The following HESX1 variants were observed in gnomAD, a reference collection of about 807,000 sequenced individuals.
The protein encoded by HESX1 is HESX homeobox 1, also known as homeobox expressed in ES cells 1.
A neutral mutation model predicts 22.5 loss-of-function variants in HESX1; 11 were observed. The ratio of observed to expected loss-of-function variants is 0.49; its 90% CI spans 0.31 to 0.81. The LOEUF is 0.81. Ranked by LOEUF, HESX1 falls within the 30% of genes least tolerant of loss-of-function variation. The pLI is 0.05. For synonymous variants in HESX1, 74 were observed against 76.5 expected, an observed-to-expected ratio of 0.97 and a Z score of 0.17; for missense variants, 201 against 212.6, an observed-to-expected ratio of 0.95 and a Z score of 0.34.
chr3:57,218,266 C>T (rs569351096), intron 1 of HESX1, among the ~76,000 whole-genome samples: 5 of 152,082 alleles, frequency 3.3e-5, no homozygotes, highest in East Asian at 1.9e-4. Flanking sequence ...CTTACCTCCA[C>T]CCTCAAGCAG....
upstream of HESX1, among the ~76,000 whole-genome samples, chr3:57,226,768 G>T (rs1459232951): frequency 1.3e-5 from 2 of 152,162 alleles, no homozygotes; most frequent in African/African-American, 4.8e-5. Flanking sequence ...GAATGGATTG[G>T]TGGAATTAAT....
At chr3:57,208,465 G>A (rs540548858) in intron 1 of HESX1, among the ~76,000 whole-genome samples, 2 of 151,962 alleles carry the variant, frequency 1.3e-5, no homozygotes, top group South Asian at 4.2e-4. Context: ...TCCTGCCTCA[G>A]CCTCCCTAGC....
intron 1 of HESX1, among the ~76,000 whole-genome samples, chr3:57,222,108 G>A (rs907351305): frequency 6.6e-6 from 1 of 152,094 alleles, no homozygotes; most frequent in South Asian, 2.1e-4. Flanking sequence ...TTGGAAGCAC[G>A]TGTGAATTAT....
rs1254963897 is a variant in HESX1 at position 57,198,945 on chromosome 3, AT to A, written c.164del (p.Asp55ValfsTer45). On this transcript the variant is annotated frameshift_variant, in exon 2 of 4. Coordinates refer to ENST00000295934, the MANE Select transcript of HESX1 (RefSeq NM_003865.3). LOFTEE classifies it high-confidence loss of function. ...TTGGGACATGTAGACATAAGTTACC[AT>A]CTTTCCCTAAAAACAAAAAAATAAG... ...WADTCSSSGK[D>X]GNLCLHVPNP... 3.1e-6 allele frequency: 5 copies of A among 1,613,950 alleles called. No individual in the cohort carries two copies. Among genetic ancestry groups the A allele is most frequent in the Non-Finnish European group, 3.4e-6 (4 of 1,179,950 alleles).
upstream of HESX1, chr3:57,200,060 G>A: frequency 1.4e-6 from 1 of 720,828 alleles, no homozygotes; most frequent in Non-Finnish European, 2.4e-6. Flanking sequence ...TTAAAATCCT[G>A]TCTTAGAAAG....
At chr3:57,203,290 A>G (rs1372586086), upstream of HESX1, among the ~76,000 whole-genome samples, 1 of 152,080 alleles carries the variant, frequency 6.6e-6, no homozygotes, top group Non-Finnish European at 1.5e-5. Context: ...AACAAAGACA[A>G]TTGTTTAGCG....
At chr3:57,221,814 C>G (rs1258443671) in intron 1 of HESX1, among the ~76,000 whole-genome samples, 1 of 151,876 alleles carries the variant, frequency 6.6e-6, no homozygotes, top group Non-Finnish European at 1.5e-5. Context: ...GCCATATTGT[C>G]AAGGCTGGTC....
upstream of HESX1, among the ~76,000 whole-genome samples, chr3:57,204,725 G>A (rs1199870482): frequency 5.3e-5 from 8 of 151,596 alleles, no homozygotes; most frequent in Non-Finnish European, 1.0e-4. Context: ...CTTGAGCCCA[G>A]GAGGTAGAGG....
chr3:57,211,739 A>G (rs534401891), intron 1 of HESX1, among the ~76,000 whole-genome samples: 1 of 151,966 alleles, frequency 6.6e-6, no homozygotes, highest in South Asian at 2.1e-4. Context: ...AGGATGAGGT[A>G]GGAGAACTGC....
upstream of HESX1, among the ~76,000 whole-genome samples, chr3:57,202,026 C>T (rs2060492630): frequency 6.6e-6 from 1 of 151,820 alleles, no homozygotes; most frequent in Non-Finnish European, 1.5e-5. Flanking sequence ...TCACGCCATT[C>T]TCCTGCCTCA....
rs765875766 is a variant in HESX1, at chr3:57,199,922, C to T, written c.-4G>A. The T allele has an allele frequency of 1.7e-5, 27 of 1,613,706 alleles. No homozygotes were observed. The South Asian group carries it at 3.0e-4, about 18-fold the overall frequency. ...CTTCCTGAAGGCTGGGAGACATCCT[C>T]TCGTGGTCTGCACAGAGCAACAGCT... On this transcript the variant is annotated 5_prime_UTR_variant, in exon 1 of 4. Transcript: ENST00000295934.
intron 1 of HESX1, among the ~76,000 whole-genome samples, chr3:57,219,938 G>A (rs1191761196): frequency 6.6e-6 from 1 of 152,150 alleles, no homozygotes; most frequent in African/African-American, 2.4e-5. Context: ...CAACGGTATT[G>A]CCTAGGTTTT....
chr3:57,207,616 A>T (rs1440763174), intron 1 of HESX1, among the ~76,000 whole-genome samples: 1 of 152,210 alleles, frequency 6.6e-6, no homozygotes, highest in African/African-American at 2.4e-5. Flanking sequence ...TCAAGTCTAT[A>T]CCATAACTGA....
upstream of HESX1, among the ~76,000 whole-genome samples, chr3:57,227,276 T>C (rs1329827559): frequency 6.6e-6 from 1 of 152,208 alleles, no homozygotes; most frequent in Non-Finnish European, 1.5e-5. Context: ...TTGACACAGC[T>C]GCGGATCTCA....
chr3:57,225,669 C>T (rs1047669901), intron 1 of HESX1, among the ~76,000 whole-genome samples: 2 of 151,902 alleles, frequency 1.3e-5, no homozygotes, highest in African/African-American at 4.8e-5. Context: ...CAGCTGAGTC[C>T]GGCAAGAATT....
intron 1 of HESX1, among the ~76,000 whole-genome samples, chr3:57,213,818 G>A (rs1017001214): frequency 1.3e-5 from 2 of 149,002 alleles, no homozygotes; most frequent in Non-Finnish European, 2.9e-5. Context: ...GTACTAGGGA[G>A]GCTGAGTCAG....
intron 1 of HESX1, among the ~76,000 whole-genome samples, chr3:57,218,063 A>C (rs1447974069): frequency 2.0e-5 from 3 of 152,190 alleles, no homozygotes; most frequent in African/African-American, 4.8e-5. Flanking sequence ...ATTAGTATTC[A>C]GACAGGGAAG....
chr3:57,213,298 T>A (rs1368625912), intron 1 of HESX1, among the ~76,000 whole-genome samples: 1 of 152,174 alleles, frequency 6.6e-6, no homozygotes, highest in Non-Finnish European at 1.5e-5. Context: ...TTGAAAAGCA[T>A]ATTATTTTTT....
At chr3:57,220,237 T>C (rs2060608028) in intron 1 of HESX1, among the ~76,000 whole-genome samples, 1 of 152,230 alleles carries the variant, frequency 6.6e-6, no homozygotes, top group South Asian at 2.1e-4. Context: ...TTTTGGTTAC[T>C]GTAGCCCTGT....
Sources: gnomAD v4.1 joint callset for allele counts (sites outside exome capture counted in the v4.1 genomes callset) on GRCh38, gnomAD v4.1.1 for gene constraint, MANE v1.5 for transcripts, NCBI Gene and HGNC (gene_info 2026-07-23, HGNC 2026-07-21) for gene names.